Variants in ARFGEF1 observed in about 807,000 individuals in gnomAD.
The protein encoded by ARFGEF1 is ARF guanine nucleotide exchange factor 1.
ARFGEF1 carries 42 observed loss-of-function variants against 231.0 expected under a neutral mutation model. That is an observed-to-expected ratio of 0.18 (90% CI 0.14 to 0.24). The LOEUF (loss-of-function observed/expected upper bound fraction) is 0.24. ARFGEF1 is among the 10% of genes least tolerant of loss of function. ARFGEF1 has a pLI of 1.00. For synonymous variants in ARFGEF1, 710 were observed against 732.3 expected (o/e 0.97, Z 0.49); for missense variants, 1,345 against 2,192.0 (o/e 0.61, Z 7.72).
chr8:67,343,512 C>T lies in ARFGEF1; in HGVS notation c.-225G>A, dbSNP rs1165629020. Reference sequence around the variant, plus strand: ...TCGCCGCCCCCAAGAAGCCGTACCTCGAGGGCCGCGCCCGTCGGGCCTCCG... The same window carrying T: ...TCGCCGCCCCCAAGAAGCCGTACCTTGAGGGCCGCGCCCGTCGGGCCTCCG... On this transcript the variant is annotated 5_prime_UTR_variant, in exon 1 of 39. Coordinates refer to ENST00000262215, the MANE Select transcript of ARFGEF1 (RefSeq NM_006421.5). 14 of 1,208,780 alleles carry T rather than the reference C, an allele frequency of 1.2e-5. No homozygotes were observed. Among genetic ancestry groups the T allele is most frequent in the South Asian group, 2.9e-5 (1 of 34,446 alleles). The allele number at this position is 1,208,780 out of a possible 1,614,324, so 74.9% of individuals were successfully genotyped here.
chr8:67,236,375 T>A (rs1265976086), intron 22 of ARFGEF1, among the ~76,000 whole-genome samples: 674 of 31,640 alleles, frequency 0.021, 8 homozygotes, highest in Middle Eastern at 0.062. Flanking sequence ...AATATATATA[T>A]ATATATATAT....
chr8:67,261,631 C>T (rs1804624145), intron 14 of ARFGEF1, among the ~76,000 whole-genome samples: 1 of 152,114 alleles, frequency 6.6e-6, no homozygotes, highest in Admixed American at 6.5e-5. Context: ...TGTTTTCATG[C>T]CTGCTAACAC....
downstream of ARFGEF1, chr8:67,193,370 C>T (rs59061775): frequency 0.04 from 45,387 of 1,123,200 alleles, 3,148 homozygotes; most frequent in African/African-American, 0.28. Flanking sequence ...GTGCTGGGAT[C>T]ACAGGTGATA....
intron 3 of ARFGEF1, among the ~76,000 whole-genome samples, chr8:67,300,136 T>C (rs190739821): frequency 1.3e-5 from 2 of 152,316 alleles, no homozygotes; most frequent in Non-Finnish European, 2.9e-5. Flanking sequence ...AGATAAATCA[T>C]AGATTTGTTC....
At chr8:67,335,987 G>A (rs1415359928) in intron 1 of ARFGEF1, among the ~76,000 whole-genome samples, 1 of 152,112 alleles carries the variant, frequency 6.6e-6, no homozygotes, top group Non-Finnish European at 1.5e-5. Context: ...CTGACCTCAT[G>A]ATCCACCTGC....
Position 67,227,301 on chromosome 8 carries a change from G to T in ARFGEF1, c.3752C>A (p.Thr1251Lys), listed in dbSNP as rs1257063541. 3 of 1,610,626 alleles carry T rather than the reference G, an allele frequency of 1.9e-6. No individual in the cohort carries two copies. The highest frequency in any genetic ancestry group is 2.5e-6 in the Non-Finnish European group (3 of 1,177,936). Residue 1251 changes from threonine to lysine, a missense_variant, in exon 27 of 39, where the codon ACA (threonine) becomes AAA (lysine). By Grantham distance (78) the Thr-to-Lys change is moderately conservative. This residue lies in a region of ARFGEF1 where 142 missense variants were observed against 227.3 expected (regional missense o/e 0.62). Transcript: ENST00000262215. ...EHIMKRNRSP[T>K]IRDMVVRCIA... ...ACACCGTACAACCATATCTCGAATTGTTGGAGACCTAAAAATATTAATATA... is the reference window on the plus strand; with the variant it reads ...ACACCGTACAACCATATCTCGAATTTTTGGAGACCTAAAAATATTAATATA...
intron 35 of ARFGEF1, among the ~76,000 whole-genome samples, chr8:67,204,454 C>G (rs1280372859): frequency 6.6e-6 from 1 of 152,194 alleles, no homozygotes; most frequent in Non-Finnish European, 1.5e-5. Flanking sequence ...GCTGCCTCAT[C>G]TCCAGGAGCT....
chr8:67,284,456 C>G (rs1202890828), intron 7 of ARFGEF1, among the ~76,000 whole-genome samples: 4 of 152,050 alleles, frequency 2.6e-5, no homozygotes, highest in Non-Finnish European at 4.4e-5. Context: ...TGTAAATATT[C>G]TTCATATTTA....
At chr8:67,185,112 A>AC (rs1360258102) in intron 5 of ARFGEF1, among the ~76,000 whole-genome samples, 12 of 150,946 alleles carry the variant, frequency 7.9e-5, no homozygotes, top group Admixed American at 2.0e-4. Context: ...CTCAAAAAAA[A>AC]AAAAACAAAA....
chr8:67,341,325 T>A (rs1423471330), intron 1 of ARFGEF1, among the ~76,000 whole-genome samples: 1 of 151,302 alleles, frequency 6.6e-6, no homozygotes. Context: ...AGGTAGCTCA[T>A]GCCTATAAAC....
chr8:67,343,229 A>G lies in ARFGEF1; in HGVS notation c.59T>C (p.Leu20Ser). 1.2e-6 allele frequency: 2 copies of G among 1,612,562 alleles called. No homozygotes were observed. The highest frequency in any genetic ancestry group is 1.7e-6 in the Non-Finnish European group (2 of 1,179,248). ...MFLTRALEKILADKEVKKAHH... is the reference protein window; with the variant it reads ...MFLTRALEKISADKEVKKAHH... ...CGCCTTCTTCACTTCCTTGTCGGCC[A>G]ATATCTTCTCCAGAGCCCGGGTCAG... Residue 20 changes from leucine to serine, a missense_variant, in exon 1 of 39, where the codon TTG becomes TCG. Physicochemically the swap from Leu to Ser is moderately radical, Grantham distance 145. Transcript: ENST00000262215.
At chr8:67,311,480 C>G (rs1362791318) in intron 1 of ARFGEF1, among the ~76,000 whole-genome samples, 3 of 140,776 alleles carry the variant, frequency 2.1e-5, no homozygotes, top group Admixed American at 6.9e-5. Context: ...GTCAGCCACC[C>G]GCCTGGCCAG....
At chr8:67,211,276 G>T (rs1388628959) in intron 34 of ARFGEF1, among the ~76,000 whole-genome samples, 1 of 150,522 alleles carries the variant, frequency 6.6e-6, no homozygotes, top group Non-Finnish European at 1.5e-5. Flanking sequence ...CCCGGGAGGC[G>T]GAGGTTGCAG....
At chr8:67,188,140 A>G (rs1043358112) in intron 5 of ARFGEF1, among the ~76,000 whole-genome samples, 1 of 152,260 alleles carries the variant, frequency 6.6e-6, no homozygotes, top group South Asian at 2.1e-4. Flanking sequence ...GACATGTCAG[A>G]TAAAGGACTG....
At chr8:67,319,969 C>CT (rs1807502656) in intron 1 of ARFGEF1, among the ~76,000 whole-genome samples, 1 of 151,972 alleles carries the variant, frequency 6.6e-6, no homozygotes, top group South Asian at 2.1e-4. Flanking sequence ...ACCTGTAATC[C>CT]TAGCACTTTG....
chr8:67,218,205 AAAATATATATATAT>A lies in ARFGEF1; in HGVS notation c.4339-81_4339-68del, dbSNP rs1159297762. On this transcript the variant is annotated intron_variant, in intron 30 of 38. Transcript: ENST00000262215. Reference sequence around the variant, plus strand: ...ACTACTATGATTAAAAAAAAAAAAAAAAATATATATATATATATATATATATATAAATGTTTTCA... The same window carrying A: ...ACTACTATGATTAAAAAAAAAAAAAAATATATATATATATAAATGTTTTCA... 2.6e-5 allele frequency: 4 copies of A among 155,600 alleles called. 1 individual carries two copies. Among genetic ancestry groups the A allele is most frequent in the Non-Finnish European group, 2.8e-5 (3 of 105,678 alleles). 9.6% of individuals were successfully genotyped at this position (155,600 alleles called of 1,614,324 possible).
intron 29 of ARFGEF1, among the ~76,000 whole-genome samples, chr8:67,221,393 G>T (rs1402573093): frequency 2.0e-5 from 3 of 152,140 alleles, no homozygotes; most frequent in Non-Finnish European, 4.4e-5. Context: ...ATGGAAGACA[G>T]TGACACTGAT....
intron 19 of ARFGEF1, among the ~76,000 whole-genome samples, chr8:67,244,857 A>G (rs1322235069): frequency 6.6e-6 from 1 of 150,576 alleles, no homozygotes; most frequent in Admixed American, 6.6e-5. Flanking sequence ...TAAAAATAAC[A>G]GTATCCAGTA....
chr8:67,313,498 C>A (rs1297684007), intron 1 of ARFGEF1, among the ~76,000 whole-genome samples: 3 of 152,170 alleles, frequency 2.0e-5, no homozygotes, highest in Non-Finnish European at 2.9e-5. Context: ...GTACTCTCCC[C>A]CTTTTCCCAT....
Sources: gnomAD v4.1 joint callset for allele counts (sites outside exome capture counted in the v4.1 genomes callset) on GRCh38, gnomAD v4.1.1 for gene constraint, gnomAD v4.1.1 regional missense constraint, MANE v1.5 for transcripts, NCBI Gene and HGNC (gene_info 2026-07-23, HGNC 2026-07-21) for gene names.